The following PHGDH variants were observed in gnomAD, a reference collection of about 807,000 sequenced individuals.
The protein encoded by PHGDH is phosphoglycerate dehydrogenase, also known as D-3-phosphoglycerate dehydrogenase.
Under a neutral mutation model 52.6 loss-of-function variants are expected in PHGDH, and 50 were observed. The ratio of observed to expected loss-of-function variants is 0.95; its 90% confidence interval spans 0.76 to 1.20. The LOEUF is 1.20. Among genes scored for constraint, PHGDH ranks in the 50% most tolerant of loss-of-function variants. The probability of loss-of-function intolerance (pLI) is 0.00; values close to 1 mark genes in which losing one functional copy is unlikely to be tolerated. For missense variants in PHGDH, 630 were observed against 684.6 expected (o/e 0.92, Z 0.89); for synonymous variants, 271 against 280.5 (o/e 0.97, Z 0.34).
At chr1:119,719,150 C>T (rs1190776018) in intron 1 of PHGDH, among the ~76,000 whole-genome samples, 1 of 152,148 alleles carries the variant, frequency 6.6e-6, no homozygotes, top group Non-Finnish European at 1.5e-5. Context: ...CCTCCAGGTG[C>T]TCACCTGGTG....
chr1:119,739,719 G>A (rs596104), intron 8 of PHGDH: 62,869 of 152,048 alleles, frequency 0.41, 13,429 homozygotes, highest in South Asian at 0.56. Context: ...CCACAAAATG[G>A]AATTGAAATT....
chr1:119,730,863 A>G (rs750613890), intron 5 of PHGDH, among the ~76,000 whole-genome samples: 34 of 152,182 alleles, frequency 2.2e-4, no homozygotes, highest in Admixed American at 7.2e-4. Flanking sequence ...CTTGCCCACC[A>G]TTCTCATCAA....
chr1:119,723,331 A>G, intron 2 of PHGDH, 45 bp from the exon 3 acceptor site: 2 of 1,443,224 alleles, frequency 1.4e-6, no homozygotes, highest in Non-Finnish European at 9.8e-7. Flanking sequence ...GAGTGGGAAT[A>G]CTGGGTCTGT....
At chr1:119,723,074 A>C (rs1651246147) in intron 2 of PHGDH, among the ~76,000 whole-genome samples, 1 of 152,206 alleles carries the variant, frequency 6.6e-6, no homozygotes, top group South Asian at 2.1e-4. Flanking sequence ...GGGCTGAACC[A>C]CACACAAATC....
intron 5 of PHGDH, chr1:119,734,401 CA>C: frequency 5.6e-6 from 3 of 531,118 alleles, no homozygotes; most frequent in Non-Finnish European, 1.0e-5. Context: ...GTCCCAGCAT[CA>C]TTGTGTGGTC....
chr1:119,715,137 T>C (rs1332587991), intron 1 of PHGDH, among the ~76,000 whole-genome samples: 1 of 152,232 alleles, frequency 6.6e-6, no homozygotes, highest in Non-Finnish European at 1.5e-5. Context: ...ACTTAAACAC[T>C]CATACATATG....
chr1:119,727,127 A>C (rs1651466882), intron 5 of PHGDH, 25 bp downstream of exon 5: 1 of 1,390,570 alleles, frequency 7.2e-7, no homozygotes, highest in East Asian at 2.3e-5. Flanking sequence ...GAACCCTGTG[A>C]TGTGGGACTT....
intron 5 of PHGDH, among the ~76,000 whole-genome samples, chr1:119,729,185 T>C (rs587740528): frequency 1.3e-5 from 2 of 152,320 alleles, no homozygotes; most frequent in African/African-American, 4.8e-5. Flanking sequence ...GAGGCAGATG[T>C]AGCCCAGCAG....
chr1:119,717,497 C>T (rs1264935564), intron 1 of PHGDH, among the ~76,000 whole-genome samples: 2 of 152,012 alleles, frequency 1.3e-5, no homozygotes, highest in Non-Finnish European at 2.9e-5. Flanking sequence ...AAAAATATCC[C>T]CTGACATTTT....
chr1:119,732,259 AG>A (rs1223029978), intron 5 of PHGDH, among the ~76,000 whole-genome samples: 2 of 152,186 alleles, frequency 1.3e-5, no homozygotes, highest in Non-Finnish European at 2.9e-5. Flanking sequence ...CTGTGACCTC[AG>A]GCAGGTAGGA....
In PHGDH at chr1:119,725,537, T is replaced by A. The variant is rs587667330; in HGVS notation, c.357-1314T>A. Among the ~76,000 whole-genome samples the A allele has an allele frequency of 5.3e-5, 8 of 152,268 alleles. No individual in the cohort carries two copies. The South Asian group carries it at 1.7e-3, about 32-fold the overall frequency. The stretch of plus-strand genomic sequence containing the variant: ...TGCCTGATGGGTCAGAGCAGTGAGG[T>A]GAATGCAGCTTGTCCCCCATGTGGC... On this transcript the variant is annotated intron_variant, in intron 3 of 11. Coordinates refer to ENST00000641023, the MANE Select transcript of PHGDH (RefSeq NM_006623.4).
At chr1:119,712,234 C>A in intron 1 of PHGDH, 74 bp downstream of exon 1, 1 of 1,409,544 alleles carries the variant, frequency 7.1e-7, no homozygotes, top group South Asian at 1.2e-5. Context: ...CCCAGGCCAG[C>A]GCGCCCCCCT....
At chr1:119,735,498 G>A in intron 7 of PHGDH, 55 bp downstream of exon 7, 1 of 1,555,324 alleles carries the variant, frequency 6.4e-7, no homozygotes, top group South Asian at 1.1e-5. Flanking sequence ...GGAGCAGAGA[G>A]GCCCATGGCA....
intron 1 of PHGDH, chr1:119,719,823 A>G (rs1162674473): frequency 6.6e-6 from 1 of 152,190 alleles, no homozygotes; most frequent in Admixed American, 6.6e-5. Context: ...ATGCAGTGGG[A>G]ATGAAGGTAA....
intron 3 of PHGDH, chr1:119,725,063 G>A (rs1651345996): frequency 2.9e-5 from 13 of 450,372 alleles, no homozygotes; most frequent in South Asian, 2.0e-4. Context: ...CAGATGGCGG[G>A]GGCTCCTGAG....
rs1571018939 is a variant in PHGDH, at chr1:119,741,682, C to T, written c.1079-85C>T. On this transcript the variant is annotated intron_variant, in intron 9 of 11. Transcript: ENST00000641023. ...CCCAGGGCAGCGAGGAGCCCATAGTCCAGAGCTAGGTGCCAGTGGCTTCCT... is the reference window on the plus strand; with the variant it reads ...CCCAGGGCAGCGAGGAGCCCATAGTTCAGAGCTAGGTGCCAGTGGCTTCCT... 3 of 1,269,470 alleles carry T rather than the reference C, an allele frequency of 2.4e-6. No homozygotes were observed. The South Asian group carries it at 3.6e-5, about 15-fold the overall frequency. The allele number at this position is 1,269,470 out of a possible 1,614,324, so 78.6% of individuals were successfully genotyped here.
chr1:119,734,776 T>C lies in PHGDH; in HGVS notation c.643+10T>C. ...CTGCCCTCCACGACAGGTAGGTGTG[T>C]CCTTACATTGTGGATTGGTCACAGA... On this transcript the variant is annotated intron_variant, in intron 6 of 11. Transcript: ENST00000641023. 6.2e-7 allele frequency: 1 copy of C among 1,613,908 alleles called. No homozygotes were observed.
intron 5 of PHGDH, 187 bp from the exon 6 acceptor site, chr1:119,734,447 A>G (rs1557976607): frequency 3.0e-6 from 2 of 659,264 alleles, no homozygotes; most frequent in Non-Finnish European, 5.5e-6. Flanking sequence ...GGTACTTAGT[A>G]TATGGTAAAT....
intron 2 of PHGDH, chr1:119,721,794 AATCCTTGCCCTCC>A: frequency 1.9e-5 from 3 of 160,672 alleles, no homozygotes; most frequent in Admixed American, 1.7e-4. Context: ...TAATGACTAG[AATCCTTGCCCTCC>A]CCACTTCCCT....
Sources: allele counts gnomAD v4.1 joint callset (sites outside exome capture counted in the v4.1 genomes callset), GRCh38; gene constraint gnomAD v4.1.1; transcripts MANE v1.5; gene names NCBI Gene and HGNC (gene_info 2026-07-23, HGNC 2026-07-21).